Variants in CNTNAP2 observed in about 807,000 individuals in gnomAD.
CNTNAP2 encodes contactin associated protein 2.
CNTNAP2 carries 98 observed loss-of-function variants against 155.2 expected under a neutral mutation model. The ratio of observed to expected loss-of-function variants is 0.63; its 90% CI spans 0.54 to 0.75. The LOEUF (loss-of-function observed/expected upper bound fraction) is 0.75. Ranked by LOEUF, CNTNAP2 falls within the 30% of genes least tolerant of loss-of-function variation. CNTNAP2 has a pLI of 0.00. For missense variants in CNTNAP2, 1,727 were observed against 1,688.1 expected (o/e 1.02, Z -0.40); for synonymous variants, 651 against 631.2 (o/e 1.03, Z -0.47).
chr7:147,914,563 GA>G (rs1016050438), intron 14 of CNTNAP2, among the ~76,000 whole-genome samples: 60 of 146,754 alleles, frequency 4.1e-4, no homozygotes, highest in African/African-American at 1.3e-3. Flanking sequence ...AAAAAAGAAA[GA>G]AAAAAAATTA....
intron 1 of CNTNAP2, among the ~76,000 whole-genome samples, chr7:146,730,833 T>G (rs1801512443): frequency 6.6e-6 from 1 of 152,208 alleles, no homozygotes; most frequent in South Asian, 2.1e-4. Context: ...TAAGGATGCC[T>G]TCTATTCTAT....
At position 146,760,758 on chromosome 7, in the gene CNTNAP2, A is replaced by C. The variant is rs12671255; in HGVS notation, c.98-13513A>C. Among the ~76,000 whole-genome samples, 181 of 152,108 alleles carry C rather than the reference A, an allele frequency of 1.2e-3. No homozygotes were observed. In the East Asian group the frequency reaches 0.033, roughly 28 times the overall value. On this transcript the variant is annotated intron_variant, in intron 1 of 23. Transcript: ENST00000361727. ...TTTATACTGGTGTATAATAGTGTCC[A>C]AGTTTCTAGAACATTCGTCCAATAA...
chr7:146,454,251 G>T (rs935109979), intron 1 of CNTNAP2, among the ~76,000 whole-genome samples: 6 of 152,054 alleles, frequency 3.9e-5, no homozygotes, highest in Admixed American at 3.9e-4. Flanking sequence ...TTAAACCTTA[G>T]ATCTGTCGGC....
At chr7:147,456,915 A>G (rs1429045146) in intron 10 of CNTNAP2, among the ~76,000 whole-genome samples, 1 of 152,198 alleles carries the variant, frequency 6.6e-6, no homozygotes, top group African/African-American at 2.4e-5. Flanking sequence ...TCATTTGGTG[A>G]TAAGTGTAGA....
intron 1 of CNTNAP2, among the ~76,000 whole-genome samples, chr7:146,595,552 T>C (rs1798847612): frequency 6.6e-6 from 1 of 151,998 alleles, no homozygotes; most frequent in Admixed American, 6.6e-5. Flanking sequence ...CTTATACAAT[T>C]TCTCATAGCC....
At chr7:146,193,480 G>T (rs2116855655) in intron 1 of CNTNAP2, among the ~76,000 whole-genome samples, 1 of 152,332 alleles carries the variant, frequency 6.6e-6, no homozygotes, top group Non-Finnish European at 1.5e-5. Context: ...AGGCTGCCAA[G>T]ACTTGGGGCT....
intron 10 of CNTNAP2, among the ~76,000 whole-genome samples, chr7:147,483,369 G>A (rs561173737): frequency 2.6e-5 from 4 of 152,002 alleles, no homozygotes; most frequent in Admixed American, 6.6e-5. Flanking sequence ...GGGTGGGTGG[G>A]GATTGGTGTG....
At chr7:146,638,516 A>C (rs1799647265) in intron 1 of CNTNAP2, among the ~76,000 whole-genome samples, 1 of 87,872 alleles carries the variant, frequency 1.1e-5, no homozygotes, top group Admixed American at 1.5e-4. Flanking sequence ...ATGGAGTCTC[A>C]CTCTGTTGCC....
chr7:148,245,868 C>T (rs1194232930), intron 20 of CNTNAP2, among the ~76,000 whole-genome samples: 3 of 152,138 alleles, frequency 2.0e-5, no homozygotes, highest in Admixed American at 6.5e-5. Context: ...CATCATCTCC[C>T]TTCACTTCCC....
At chr7:147,160,740 T>C (rs1269352860) in intron 8 of CNTNAP2, among the ~76,000 whole-genome samples, 1 of 152,132 alleles carries the variant, frequency 6.6e-6, no homozygotes, top group Non-Finnish European at 1.5e-5. Context: ...GTTGAGGATG[T>C]AATATTTAAG....
intron 2 of CNTNAP2, among the ~76,000 whole-genome samples, chr7:146,795,236 T>C (rs550863238): frequency 1.3e-5 from 2 of 152,226 alleles, no homozygotes; most frequent in South Asian, 2.1e-4. Context: ...AGATCAACTA[T>C]GTTGATGGTA....
In CNTNAP2 at chr7:146,415,470, C is replaced by T. The variant is rs148881421; in HGVS notation, c.97+298497C>T. On this transcript the variant is annotated intron_variant, in intron 1 of 23. Coordinates refer to ENST00000361727, the MANE Select transcript of CNTNAP2 (RefSeq NM_014141.6). ...ATGTGTATTTACAAAAATAGTACAG[C>T]TAGTAAAATGACACTGTATTGGCTT... 2.7e-3 allele frequency among the ~76,000 whole-genome samples: 404 copies of T among 152,120 alleles called. 2 individuals carry two copies. Among genetic ancestry groups the T allele is most frequent in the African/African-American group, 9.3e-3 (384 of 41,508 alleles).
chr7:146,813,892 A>G (rs927675807), intron 2 of CNTNAP2, among the ~76,000 whole-genome samples: 1 of 152,110 alleles, frequency 6.6e-6, no homozygotes, highest in Non-Finnish European at 1.5e-5. Context: ...GTGAGTTCTC[A>G]TGAGATCTGA....
At chr7:146,910,933 T>G (rs1242191187) in intron 3 of CNTNAP2, among the ~76,000 whole-genome samples, 3 of 151,008 alleles carry the variant, frequency 2.0e-5, no homozygotes, top group Non-Finnish European at 4.4e-5. Flanking sequence ...ATCCAGAATC[T>G]GCAATGAACT....
chr7:146,179,613 AG>A (rs1798522158), intron 1 of CNTNAP2, among the ~76,000 whole-genome samples: 1 of 152,176 alleles, frequency 6.6e-6, no homozygotes, highest in Admixed American at 6.6e-5. Context: ...AGAGATCCTA[AG>A]ATCCAAACTC....
At chr7:147,530,965 G>A (rs770547351) in intron 11 of CNTNAP2, among the ~76,000 whole-genome samples, 19 of 152,144 alleles carry the variant, frequency 1.2e-4, no homozygotes, top group South Asian at 4.1e-4. Context: ...GAAATTGGCC[G>A]AAACAAAGGA....
intron 13 of CNTNAP2, among the ~76,000 whole-genome samples, chr7:147,760,466 G>A (rs1317632083): frequency 6.6e-6 from 1 of 152,148 alleles, no homozygotes; most frequent in African/African-American, 2.4e-5. Context: ...CATCATTCAG[G>A]AGTGAGAATT....
At chr7:146,523,891 C>T (rs1175557700) in intron 1 of CNTNAP2, among the ~76,000 whole-genome samples, 3 of 151,990 alleles carry the variant, frequency 2.0e-5, no homozygotes, top group Non-Finnish European at 4.4e-5. Flanking sequence ...AAATATAGTA[C>T]TTTGTTGTTT....
intron 4 of CNTNAP2, among the ~76,000 whole-genome samples, chr7:147,077,575 C>T (rs1055073425): frequency 1.3e-5 from 2 of 152,124 alleles, no homozygotes; most frequent in African/African-American, 4.8e-5. Context: ...TCAATGGATA[C>T]ACACCAAATA....
Sources: gnomAD v4.1 joint callset for allele counts (sites outside exome capture counted in the v4.1 genomes callset) on GRCh38, gnomAD v4.1.1 for gene constraint, MANE v1.5 for transcripts, NCBI Gene and HGNC (gene_info 2026-07-23, HGNC 2026-07-21) for gene names.